The following RBM42 variants were observed in gnomAD, a reference collection of about 807,000 sequenced individuals.
RBM42 encodes the protein RNA-binding protein 42.
A neutral mutation model predicts 41.4 loss-of-function variants in RBM42; 21 were observed. The observed-to-expected ratio is 0.51, with a 90% CI of 0.36 to 0.73. The LOEUF is 0.73. Among genes scored for constraint, RBM42 ranks in the 30% least tolerant of loss-of-function variants. The pLI, the probability that RBM42 is intolerant of heterozygous loss-of-function variation, is 0.00. For synonymous variants in RBM42, 272 were observed against 271.2 expected (o/e 1.00, Z -0.03); for missense variants, 539 against 680.4 (o/e 0.79, Z 2.31).
intron 4 of RBM42, among the ~76,000 whole-genome samples, 158 bp from the exon 5 acceptor site, chr19:35,632,778 C>G (rs1410737623): frequency 6.6e-6 from 1 of 152,048 alleles, no homozygotes; most frequent in East Asian, 1.9e-4. Flanking sequence ...TGGAATGAAC[C>G]AGGGGAGAGG....
chr19:35,635,139 A>T (rs1967474048), intron 8 of RBM42, among the ~76,000 whole-genome samples: 1 of 151,484 alleles, frequency 6.6e-6, no homozygotes, highest in Admixed American at 6.6e-5. Context: ...ACATGGTGAA[A>T]TCCCGTGTCT....
chr19:35,637,239 C>T lies in RBM42; in HGVS notation c.1217C>T (p.Ser406Phe). Residue 406 changes from serine (S) to phenylalanine (F), a missense_variant, in exon 9 of 10, where the codon TCC (serine) becomes TTC (phenylalanine). By Grantham distance (155) the Ser-to-Phe change is radical (BLOSUM62 -2). Around this residue, in one of 2 missense-constraint regions of RBM42, gnomAD observed 110 missense variants for 191.5 expected, o/e 0.57. Transcript: ENST00000262633. This position sits in a 1 kb window ranked among gnomAD's most constrained non-coding sequence, Gnocchi z 7.0. The stretch of plus-strand genomic sequence containing the variant: ...GCACGCGCCTTCAGCCGCTTCCCAT[C>T]CTTCCTTAAGGCCAAGGTGATCCGT... ...ILARAFSRFP[S>F]FLKAKVIRDK... 1 of 1,614,226 alleles carries T rather than the reference C, an allele frequency of 6.2e-7. No individual in the cohort carries two copies. Among genetic ancestry groups the T allele is most frequent in the Non-Finnish European group, 8.5e-7 (1 of 1,180,046 alleles).
intron 1 of RBM42, 75 bp downstream of exon 1, chr19:35,629,356 G>C (rs2146347622): frequency 3.4e-6 from 5 of 1,492,308 alleles, no homozygotes; most frequent in Middle Eastern, 1.8e-4. Flanking sequence ...TCCAGGCCTC[G>C]ATAGGCCGGA....
intron 7 of RBM42, 67 bp from the exon 8 acceptor site, chr19:35,634,189 C>T (rs975476194): frequency 1.1e-5 from 17 of 1,577,244 alleles, no homozygotes; most frequent in East Asian, 2.2e-5. Context: ...GCAGGAGGGC[C>T]GGGGACCAAA....
Position 35,631,201 on chromosome 19 carries a change from G to C in RBM42, c.344G>C (p.Gly115Ala). The change falls in exon 3 of 10, where the codon GGT (glycine) becomes GCT (alanine). Residue 115 changes from glycine to alanine, a missense_variant. By Grantham distance (60) the Gly-to-Ala change is moderately conservative. Transcript: ENST00000262633. ...GCCACAGTAGTTCCTCCCATGGTGG[G>C]TGGCCCTCCTTTTGTAGGCCCTGGT... The part of the protein sequence containing the change: ...AAATVVPPMV[G>A]GPPFVGPVGF... 1 of 1,614,186 alleles carries C rather than the reference G, an allele frequency of 6.2e-7. No individual in the cohort carries two copies. The highest frequency in any genetic ancestry group is 8.5e-7 in the Non-Finnish European group (1 of 1,180,032).
Position 35,634,319 on chromosome 19 carries a change from C to T in RBM42, c.1081C>T (p.Arg361Cys), listed in dbSNP as rs770337345. The T allele has an allele frequency of 1.2e-6, 2 of 1,614,168 alleles. No homozygotes were observed. Among genetic ancestry groups the T allele is most frequent in the South Asian group, 1.1e-5 (1 of 91,062 alleles). The part of the protein sequence containing the change: ...GKPEKLKRCI[R>C]TAAGSSWEDP... ...GCCAGAGAAATTGAAACGGTGCATT[C>T]GCACAGCGGCAGGGAGCAGCTGGGA... Residue 361 changes from arginine to cysteine, a missense_variant, in exon 8 of 10, where the codon CGC becomes TGC. Physicochemically the swap from Arg to Cys is radical, Grantham distance 180. Around this residue, in one of 2 missense-constraint regions of RBM42, gnomAD observed 110 missense variants for 191.5 expected, o/e 0.57. Coordinates refer to ENST00000262633, the MANE Select transcript of RBM42 (RefSeq NM_024321.5).
chr19:35,632,974 T>G lies in RBM42; in HGVS notation c.481T>G (p.Phe161Val). The G allele has an allele frequency of 6.2e-7, 1 of 1,609,056 alleles. No homozygotes were observed. Among genetic ancestry groups the G allele is most frequent in the Non-Finnish European group, 8.5e-7 (1 of 1,176,238 alleles). Residue 161 changes from phenylalanine (F) to valine (V), a missense_variant, in exon 5 of 10, where the codon TTC (phenylalanine) becomes GTC (valine). Coordinates refer to ENST00000262633, the MANE Select transcript of RBM42 (RefSeq NM_024321.5). ...GAGGGCCCCTATCCTGCGTCCAGCC[T>G]TCGTCCCCCACGTGCTACAGAGAGC... ...PQRAPILRPAFVPHVLQRADS... is the reference protein window; with the variant it reads ...PQRAPILRPAVVPHVLQRADS...
rs776431972 is a variant in RBM42 at position 35,633,736 on chromosome 19, T to C, written c.734T>C (p.Leu245Pro). 4 of 1,486,118 alleles carry C rather than the reference T, an allele frequency of 2.7e-6. No homozygotes were observed. Among genetic ancestry groups the C allele is most frequent in the Non-Finnish European group, 8.9e-7 (1 of 1,123,392 alleles). 92.1% of individuals were successfully genotyped at this position (1,486,118 alleles called of 1,614,324 possible). The change falls in exon 7 of 10, where the codon CTG (leucine) becomes CCG (proline). Residue 245 changes from leucine to proline, a missense_variant. Leu to Pro is a moderately conservative substitution (Grantham distance 98, BLOSUM62 -3). This residue lies in a region of RBM42 where 429 missense variants were observed against 488.9 expected (regional missense o/e 0.88). Coordinates refer to ENST00000262633, the MANE Select transcript of RBM42 (RefSeq NM_024321.5). ...CTGGGCCTAGGCCTGGGGTTGGGCCTGAAAGAGAAGGAAGAGGCAGTGGTG... is the reference window on the plus strand; with the variant it reads ...CTGGGCCTAGGCCTGGGGTTGGGCCCGAAAGAGAAGGAAGAGGCAGTGGTG... ...RELGLGLGLG[L>P]KEKEEAVVAA... is the part of the protein sequence containing the mutation.
At position 35,629,091 on chromosome 19, in the gene RBM42, A is replaced by T. The variant is rs547621000; in HGVS notation, c.-63A>T. The T allele has an allele frequency of 5.4e-6, 8 of 1,477,830 alleles. No homozygotes were observed. The Admixed American group carries it at 1.9e-4, about 36-fold the overall frequency. 91.5% of individuals were successfully genotyped at this position (1,477,830 alleles called of 1,614,324 possible). On this transcript the variant is annotated 5_prime_UTR_variant, in exon 1 of 10. Coordinates refer to ENST00000262633, the MANE Select transcript of RBM42 (RefSeq NM_024321.5). Reference sequence around the variant, plus strand: ...ACCCGGACGAAGGGGGAGAGTAGACAGCAGAACCAGCGGCGGCGGCTAAGC... The same window carrying T: ...ACCCGGACGAAGGGGGAGAGTAGACTGCAGAACCAGCGGCGGCGGCTAAGC...
At chr19:35,634,898 G>T (rs1289572851) in intron 8 of RBM42, among the ~76,000 whole-genome samples, 2 of 151,946 alleles carry the variant, frequency 1.3e-5, no homozygotes, top group Middle Eastern at 3.2e-3. Context: ...TTAACATTTT[G>T]CTGTGTTCAC....
In RBM42 at chr19:35,637,483, A is replaced by C. The variant is rs1967518264; in HGVS notation, c.1372A>C (p.Met458Leu). 2 of 1,614,142 alleles carry C rather than the reference A, an allele frequency of 1.2e-6. No homozygotes were observed. The change falls in exon 10 of 10, where the codon ATG becomes CTG. Residue 458 changes from methionine to leucine, a missense_variant. Physicochemically the swap from Met to Leu is conservative, Grantham distance 15. Transcript: ENST00000262633. The surrounding 1 kb of genome is among the most constrained non-coding windows in gnomAD (Gnocchi z 7.0). ...GCGCCCCATCAAGCTTCGCAAGAGCATGTGGAAGGACCGGAATCTGGACGT... is the reference window on the plus strand; with the variant it reads ...GCGCCCCATCAAGCTTCGCAAGAGCCTGTGGAAGGACCGGAATCTGGACGT... The part of the protein sequence containing the change: ...GSRPIKLRKS[M>L]WKDRNLDVVR...
chr19:35,637,651 C>T lies in RBM42; in HGVS notation c.*97C>T, dbSNP rs1967523515. 1 of 903,354 alleles carries T rather than the reference C, an allele frequency of 1.1e-6. No individual in the cohort carries two copies. The highest frequency in any genetic ancestry group is 1.6e-5 in the South Asian group (1 of 64,294). 56.0% of individuals were successfully genotyped at this position (903,354 alleles called of 1,614,324 possible). A position where few individuals can be genotyped will look rare whatever the true frequency, so the allele number is the denominator to read the frequency against. ...CCAGCTGTCCACCCATCCCCTGCCC[C>T]AAAACCAGTTTCAATAAATTTACGT... On this transcript the variant is annotated 3_prime_UTR_variant, in exon 10 of 10. Transcript: ENST00000262633. This position sits in a 1 kb window ranked among gnomAD's most constrained non-coding sequence, Gnocchi z 7.0.
At position 35,629,067 on chromosome 19, in the gene RBM42, C is replaced by A; in HGVS notation, c.-87C>A. The A allele has an allele frequency of 6.9e-7, 1 of 1,448,326 alleles. No individual in the cohort carries two copies. The highest frequency in any genetic ancestry group is 9.1e-7 in the Non-Finnish European group (1 of 1,103,664). The allele number at this position is 1,448,326 out of a possible 1,614,324, so 89.7% of individuals were successfully genotyped here. ...GCTGGACGTCATCCTCGGGAGCCCACCCGGACGAAGGGGGAGAGTAGACAG... is the reference window on the plus strand; with the variant it reads ...GCTGGACGTCATCCTCGGGAGCCCAACCGGACGAAGGGGGAGAGTAGACAG... On this transcript the variant is annotated 5_prime_UTR_variant, in exon 1 of 10. Transcript: ENST00000262633.
In RBM42 at chr19:35,632,659, C is replaced by G. The variant is rs568771736; in HGVS notation, c.443-277C>G. On this transcript the variant is annotated intron_variant, in intron 4 of 9. Transcript: ENST00000262633. Reference sequence around the variant, plus strand: ...CCTTCTCTAGTGATGTCTCCATTCCCTCCTCCTCTGGACCAGGAGCTCCCT... The same window carrying G: ...CCTTCTCTAGTGATGTCTCCATTCCGTCCTCCTCTGGACCAGGAGCTCCCT... Among the ~76,000 whole-genome samples, 111 of 152,210 alleles carry G rather than the reference C, an allele frequency of 7.3e-4. No individual in the cohort carries two copies. The Middle Eastern group carries it at 0.02, about 28-fold the overall frequency.
At chr19:35,632,865 A>G (rs1391566266) in intron 4 of RBM42, 71 bp from the exon 5 acceptor site, 12 of 766,680 alleles carry the variant, frequency 1.6e-5, no homozygotes, top group South Asian at 1.3e-4. Flanking sequence ...ACACACACGC[A>G]TGCACACACA....
At chr19:35,634,506 G>A in intron 8 of RBM42, 133 bp downstream of exon 8, 1 of 627,352 alleles carries the variant, frequency 1.6e-6, no homozygotes, top group South Asian at 1.9e-5. Context: ...TTGGGGAGGG[G>A]AGGCTATGGC....
chr19:35,636,193 C>T (rs2146353827), intron 8 of RBM42, among the ~76,000 whole-genome samples: 1 of 150,884 alleles, frequency 6.6e-6, no homozygotes, highest in South Asian at 2.1e-4. Context: ...GAGTCTCGCA[C>T]TGTCACCCAG....
At position 35,629,626 on chromosome 19, in the gene RBM42, G is replaced by C; in HGVS notation, c.235G>C (p.Ala79Pro). The C allele has an allele frequency of 6.2e-7, 1 of 1,614,228 alleles. No individual in the cohort carries two copies. The highest frequency in any genetic ancestry group is 1.1e-5 in the South Asian group (1 of 91,090). ...VPTVEAMQVPAAPVIRPIIAT... is the reference protein window; with the variant it reads ...VPTVEAMQVPPAPVIRPIIAT... ...CACAGTAGAAGCGATGCAGGTCCCA[G>C]CGGCTCCTGTGATCCGCCCAATTAT... Residue 79 changes from alanine (A) to proline (P), a missense_variant, in exon 2 of 10, where the codon GCG (alanine) becomes CCG (proline). Transcript: ENST00000262633.
rs533579268 is a variant in RBM42, at chr19:35,632,634, CCTT to C, written c.443-299_443-297del. ...TCCAGCGCTGGTCCCCACTGGCTCTCCTTCTCTAGTGATGTCTCCATTCCCTCC... is the reference window on the plus strand; with the variant it reads ...TCCAGCGCTGGTCCCCACTGGCTCTCCTCTAGTGATGTCTCCATTCCCTCC... On this transcript the variant is annotated intron_variant, in intron 4 of 9. Transcript: ENST00000262633. Among the ~76,000 whole-genome samples the C allele has an allele frequency of 4.0e-4, 61 of 152,216 alleles. No individual in the cohort carries two copies. In the South Asian group the frequency reaches 0.012, roughly 31 times the overall value.
Sources: gnomAD v4.1 joint callset for allele counts (sites outside exome capture counted in the v4.1 genomes callset) on GRCh38, gnomAD v4.1.1 for gene constraint, gnomAD v4.1.1 regional missense constraint, Gnocchi (gnomAD v3.1) non-coding constraint, MANE v1.5 for transcripts, NCBI Gene and HGNC (gene_info 2026-07-23, HGNC 2026-07-21) for gene names.